Variants in TNPO1 observed in about 807,000 individuals in gnomAD.
TNPO1 encodes transportin 1, also known as transportin-1.
Under a neutral mutation model 119.5 loss-of-function variants are expected in TNPO1, and 8 were observed. That is an observed-to-expected ratio of 0.07 (90% CI 0.04 to 0.12). The LOEUF (loss-of-function observed/expected upper bound fraction) is 0.12, where lower values mean the gene tolerates loss of function less well. Ranked by LOEUF, TNPO1 falls within the 10% of genes least tolerant of loss-of-function variation. TNPO1 has a pLI of 1.00. For missense variants in TNPO1, 576 were observed against 1,089.8 expected (o/e 0.53, Z 6.64); for synonymous variants, 362 against 363.0 (o/e 1.00, Z 0.03).
chr5:72,872,958 T>A (rs1224183017), intron 7 of TNPO1, among the ~76,000 whole-genome samples: 1 of 152,086 alleles, frequency 6.6e-6, no homozygotes, highest in Admixed American at 6.6e-5. Flanking sequence ...AAACACTGAT[T>A]TTGGTGGCGG....
At chr5:72,873,298 C>G (rs1024455235) in intron 7 of TNPO1, among the ~76,000 whole-genome samples, 6 of 152,056 alleles carry the variant, frequency 3.9e-5, no homozygotes, top group Non-Finnish European at 8.8e-5. Context: ...TACTTGATAA[C>G]AATTAAAAGG....
rs893258653 is a variant in TNPO1, at chr5:72,840,411, A to G, written c.16-7974A>G. The stretch of plus-strand genomic sequence containing the variant: ...AAGAATTTAACATAATAACTGGCAC[A>G]TGGAAGGACCCATTAATGATAACAG... On this transcript the variant is annotated intron_variant, in intron 1 of 24. Transcript: ENST00000337273. Among the ~76,000 whole-genome samples the G allele has an allele frequency of 3.9e-5, 6 of 152,192 alleles. No individual in the cohort carries two copies. In the East Asian group the frequency reaches 9.6e-4, roughly 24 times the overall value.
intron 8 of TNPO1, among the ~76,000 whole-genome samples, chr5:72,876,424 GAC>G (rs1050807120): frequency 6.6e-6 from 1 of 152,162 alleles, no homozygotes; most frequent in African/African-American, 2.4e-5. Context: ...TGTTCCAGAG[GAC>G]ATGAGAAATC....
chr5:72,882,328 CAT>C, intron 9 of TNPO1, 137 bp from the exon 10 acceptor site: 1 of 538,232 alleles, frequency 1.9e-6, no homozygotes, highest in Non-Finnish European at 3.2e-6. Context: ...TGAGAGCAGA[CAT>C]ATATCACTGA....
intron 1 of TNPO1, among the ~76,000 whole-genome samples, chr5:72,839,462 A>G (rs1328863163): frequency 1.3e-5 from 2 of 152,196 alleles, no homozygotes; most frequent in Non-Finnish European, 2.9e-5. Flanking sequence ...TTTCTGTCTT[A>G]CAACTTAAGT....
chr5:72,816,704 T>A lies in TNPO1; in HGVS notation c.-34T>A, dbSNP rs763070727. 6.4e-7 allele frequency: 1 copy of A among 1,560,128 alleles called. No homozygotes were observed. Among genetic ancestry groups the A allele is most frequent in the Non-Finnish European group, 8.7e-7 (1 of 1,155,254 alleles). On this transcript the variant is annotated 5_prime_UTR_variant, in exon 1 of 25. Transcript: ENST00000337273. ...GCCCCGGACAGGAGGCAGTGCCGCTTCGGCCGAAGGCCCGAGCGCCCGAGG... is the reference window on the plus strand; with the variant it reads ...GCCCCGGACAGGAGGCAGTGCCGCTACGGCCGAAGGCCCGAGCGCCCGAGG...
intron 11 of TNPO1, among the ~76,000 whole-genome samples, chr5:72,883,829 G>T (rs1452846910): frequency 6.6e-6 from 1 of 152,054 alleles, no homozygotes; most frequent in Non-Finnish European, 1.5e-5. Flanking sequence ...CCGCAGCCTT[G>T]ACCTCCCTGG....
chr5:72,907,472 A>G (rs1422845755), intron 24 of TNPO1, among the ~76,000 whole-genome samples: 3 of 152,268 alleles, frequency 2.0e-5, no homozygotes, highest in African/African-American at 7.2e-5. Flanking sequence ...TTATATTTCT[A>G]CACAGATGGA....
At chr5:72,890,374 A>T (rs1473859736) in intron 14 of TNPO1, among the ~76,000 whole-genome samples, 2 of 152,140 alleles carry the variant, frequency 1.3e-5, no homozygotes, top group Admixed American at 6.5e-5. Flanking sequence ...AAACAAATAG[A>T]AATTGGGGTA....
intron 4 of TNPO1, 117 bp downstream of exon 4, chr5:72,856,040 CT>C: frequency 2.0e-6 from 2 of 1,008,608 alleles, no homozygotes; most frequent in Non-Finnish European, 3.0e-6. Flanking sequence ...GTTGGGGAAA[CT>C]TTCATTGCCT....
chr5:72,894,364 A>G (rs1283536109), intron 18 of TNPO1, among the ~76,000 whole-genome samples: 1 of 151,456 alleles, frequency 6.6e-6, no homozygotes, highest in African/African-American at 2.4e-5. Context: ...GCATCTCAGC[A>G]TGTTGGGTAA....
intron 1 of TNPO1, among the ~76,000 whole-genome samples, chr5:72,841,862 C>T (rs1485999162): frequency 1.3e-5 from 2 of 149,902 alleles, no homozygotes; most frequent in Non-Finnish European, 3.0e-5. Context: ...TCTCCTTGCT[C>T]ATCATAGCAT....
At chr5:72,848,849 A>G (rs1218118986) in intron 2 of TNPO1, among the ~76,000 whole-genome samples, 1 of 150,126 alleles carries the variant, frequency 6.7e-6, no homozygotes, top group Non-Finnish European at 1.5e-5. Context: ...CCGCGGGGGT[A>G]GGGAGCGGGC....
intron 1 of TNPO1, among the ~76,000 whole-genome samples, chr5:72,825,045 A>G (rs1357131468): frequency 6.6e-6 from 1 of 152,074 alleles, no homozygotes; most frequent in Non-Finnish European, 1.5e-5. Flanking sequence ...CTGTTCTTTC[A>G]GGACAATCTG....
chr5:72,850,548 T>TGTTAGTTAGGGAA (rs568234043), intron 2 of TNPO1, among the ~76,000 whole-genome samples: 1 of 152,130 alleles, frequency 6.6e-6, no homozygotes, highest in Non-Finnish European at 1.5e-5. Flanking sequence ...TTGGGAAGCA[T>TGTTAGTTAGGGAA]GTTAGTTAGG....
chr5:72,839,731 A>G (rs1414560002), intron 1 of TNPO1, among the ~76,000 whole-genome samples: 1 of 152,228 alleles, frequency 6.6e-6, no homozygotes, highest in Non-Finnish European at 1.5e-5. Context: ...GTAAGAAATA[A>G]TGGAAATTGC....
At chr5:72,827,083 G>C (rs939907053) in intron 1 of TNPO1, among the ~76,000 whole-genome samples, 1 of 152,096 alleles carries the variant, frequency 6.6e-6, no homozygotes, top group African/African-American at 2.4e-5. Context: ...TATTTGGCCA[G>C]CAGTCAATCT....
chr5:72,840,594 G>T (rs1248287439), intron 1 of TNPO1, among the ~76,000 whole-genome samples: 1 of 152,128 alleles, frequency 6.6e-6, no homozygotes, highest in African/African-American at 2.4e-5. Flanking sequence ...GTGCTGTTGT[G>T]AATATTAAAT....
Position 72,848,423 on chromosome 5 carries a change from A to G in TNPO1, c.54A>G (p.Gln18=). The G allele has an allele frequency of 1.2e-6, 2 of 1,612,618 alleles. No individual in the cohort carries two copies. The highest frequency in any genetic ancestry group is 1.7e-6 in the Non-Finnish European group (2 of 1,179,216). ...KMEYEWKPDE[Q]GLQQILQLLK... The stretch of plus-strand genomic sequence containing the variant: ...AGTATGAGTGGAAACCTGACGAGCA[A>G]GGGCTTCAGCAAATCCTGCAGCTGT... The change falls in exon 2 of 25, where the codon CAA becomes CAG. Residue 18 remains glutamine, a synonymous_variant. Transcript: ENST00000337273.
Sources: gnomAD v4.1 joint callset for allele counts (sites outside exome capture counted in the v4.1 genomes callset) on GRCh38, gnomAD v4.1.1 for gene constraint, MANE v1.5 for transcripts, NCBI Gene and HGNC (gene_info 2026-07-23, HGNC 2026-07-21) for gene names.